ASH1L: variants seen among roughly 807,000 people sequenced by gnomAD.
The protein encoded by ASH1L is ASH1 like histone lysine methyltransferase, also known as histone-lysine N-methyltransferase ASH1L.
A neutral mutation model predicts 269.0 loss-of-function variants in ASH1L; 23 were observed. That is an observed-to-expected ratio of 0.09 (90% CI 0.06 to 0.12). The LOEUF is 0.12. Ranked by LOEUF, ASH1L falls within the 10% of genes least tolerant of loss-of-function variation. The pLI is 1.00. For synonymous variants in ASH1L, 1,187 were observed against 1,253.5 expected (o/e 0.95, Z 1.12); for missense variants, 2,912 against 3,567.8 (o/e 0.82, Z 4.68).
chr1:155,490,614 T>TCACACACACACACACA lies in ASH1L; in HGVS notation c.421-8181_421-8166dup, dbSNP rs144278501. Among the ~76,000 whole-genome samples the TCACACACACACACACA allele has an allele frequency of 6.8e-4, 97 of 142,398 alleles. 1 individual carries two copies. Among genetic ancestry groups the TCACACACACACACACA allele is most frequent in the African/African-American group, 2.0e-3 (74 of 37,402 alleles). The allele number at this position is 142,398 out of a possible 152,430, so 93.4% of individuals were successfully genotyped here. A position where few individuals can be genotyped will look rare whatever the true frequency, so the allele number is the denominator to read the frequency against. On this transcript the variant is annotated intron_variant, in intron 2 of 27. Transcript: ENST00000392403. ...GTATGGGCTACACAGCCAGACTACG[T>TCACACACACACACACA]CACACACACACACACACACACACAC... is the stretch of plus-strand genomic sequence containing the variant.
At chr1:155,510,754 C>T (rs1253645036) in intron 2 of ASH1L, among the ~76,000 whole-genome samples, 5 of 151,828 alleles carry the variant, frequency 3.3e-5, no homozygotes, top group Admixed American at 2.6e-4. Context: ...CCTGAAAACA[C>T]ATTTTTTTTT....
At chr1:155,353,626 T>C (rs1436698459) in intron 16 of ASH1L, among the ~76,000 whole-genome samples, 1 of 152,182 alleles carries the variant, frequency 6.6e-6, no homozygotes, top group Admixed American at 6.6e-5. Context: ...AGTGCTGTTA[T>C]TGAAGGTTAC....
At chr1:155,351,977 T>C (rs1195439796) in intron 17 of ASH1L, among the ~76,000 whole-genome samples, 1 of 152,170 alleles carries the variant, frequency 6.6e-6, no homozygotes, top group Non-Finnish European at 1.5e-5. Flanking sequence ...TTTTCTGTAA[T>C]TGATTTTTCC....
intron 5 of ASH1L, among the ~76,000 whole-genome samples, chr1:155,427,595 C>T (rs193105427): frequency 6.6e-6 from 1 of 152,166 alleles, no homozygotes; most frequent in Non-Finnish European, 1.5e-5. Flanking sequence ...AGAGCGACTG[C>T]GCCCGGCTAA....
intron 7 of ASH1L, among the ~76,000 whole-genome samples, chr1:155,388,127 C>T (rs957277399): frequency 2.6e-5 from 4 of 152,066 alleles, no homozygotes; most frequent in African/African-American, 9.7e-5. Context: ...ATACCATATC[C>T]AACTAAAATG....
chr1:155,545,628 A>G (rs1444900159), intron 1 of ASH1L, among the ~76,000 whole-genome samples: 1 of 151,728 alleles, frequency 6.6e-6, no homozygotes, highest in East Asian at 1.9e-4. Context: ...TTGGAAGGAA[A>G]AAAAAAAAGG....
chr1:155,392,522 TCTGTTG>T (rs1658015270), intron 7 of ASH1L, among the ~76,000 whole-genome samples: 1 of 152,200 alleles, frequency 6.6e-6, no homozygotes, highest in Non-Finnish European at 1.5e-5. Context: ...AGAGTCTTGC[TCTGTTG>T]CCCAGGCTGG....
intron 1 of ASH1L, among the ~76,000 whole-genome samples, chr1:155,533,393 T>G (rs953701900): frequency 6.6e-6 from 1 of 152,056 alleles, no homozygotes; most frequent in Non-Finnish European, 1.5e-5. Context: ...TCGCTCCTCT[T>G]AACCACTATG....
chr1:155,423,437 G>C (rs1362721617), intron 5 of ASH1L, among the ~76,000 whole-genome samples: 1 of 151,740 alleles, frequency 6.6e-6, no homozygotes, highest in Non-Finnish European at 1.5e-5. Context: ...AAATTAGCCG[G>C]GTGCGGTGGT....
At chr1:155,540,047 G>A (rs769258342) in intron 1 of ASH1L, among the ~76,000 whole-genome samples, 3 of 151,506 alleles carry the variant, frequency 2.0e-5, no homozygotes, top group Non-Finnish European at 4.4e-5. Context: ...CAGCCTGGGT[G>A]ACAGAGCAAG....
chr1:155,539,748 T>C (rs560764103), intron 1 of ASH1L, among the ~76,000 whole-genome samples: 12 of 152,006 alleles, frequency 7.9e-5, no homozygotes, highest in South Asian at 2.1e-4. Context: ...AGAGATTGTT[T>C]TTCTCAAAGG....
At chr1:155,421,451 T>C (rs1660675336) in intron 5 of ASH1L, among the ~76,000 whole-genome samples, 2 of 149,826 alleles carry the variant, frequency 1.3e-5, no homozygotes, top group South Asian at 4.2e-4. Context: ...GGCAGGTGGA[T>C]CACGAGATCA....
intron 5 of ASH1L, chr1:155,434,009 T>C (rs1403679930): frequency 3.6e-5 from 57 of 1,589,526 alleles, no homozygotes; most frequent in Non-Finnish European, 4.5e-5. Context: ...GGTCCGAGTG[T>C]GGTTCTGTAA....
intron 10 of ASH1L, among the ~76,000 whole-genome samples, chr1:155,373,725 T>C (rs1218804959): frequency 6.6e-6 from 1 of 152,190 alleles, no homozygotes; most frequent in East Asian, 1.9e-4. Flanking sequence ...TGGAGTGCAG[T>C]GGCATGATCT....
At chr1:155,409,586 C>A (rs953287000) in intron 6 of ASH1L, among the ~76,000 whole-genome samples, 1 of 152,152 alleles carries the variant, frequency 6.6e-6, no homozygotes, top group Non-Finnish European at 1.5e-5. Flanking sequence ...TAAAGTATCA[C>A]ATATGCAATA....
chr1:155,538,024 T>C (rs1670171494), intron 1 of ASH1L, among the ~76,000 whole-genome samples: 1 of 152,030 alleles, frequency 6.6e-6, no homozygotes, highest in South Asian at 2.1e-4. Context: ...TTTTTATTTA[T>C]TTTTTATTTT....
rs1384675040 is a variant in ASH1L, at chr1:155,343,713, G to A, written c.8011C>T (p.Arg2671Trp). The A allele has an allele frequency of 2.5e-6, 4 of 1,614,096 alleles. No individual in the cohort carries two copies. Among genetic ancestry groups the A allele is most frequent in the Non-Finnish European group, 3.4e-6 (4 of 1,180,016 alleles). ...ACCGGGTGGCCATCAGGGGTGCGCC[G>A]ACTATCCCTCATCAGATACACACAG... ...GDCVYLMRDS[R>W]RTPDGHPVRQ... The change falls in exon 23 of 28, where the codon CGG becomes TGG. Residue 2671 changes from arginine to tryptophan, a missense_variant. Physicochemically the swap from Arg to Trp is moderately radical, Grantham distance 101. This residue lies in a region of ASH1L where 179 missense variants were observed against 293.8 expected (regional missense o/e 0.61). Transcript: ENST00000392403. The surrounding 1 kb of genome is among the most constrained non-coding windows in gnomAD (Gnocchi z 6.1).
chr1:155,357,669 G>C lies in ASH1L; in HGVS notation c.6876C>G (p.Ser2292Arg), dbSNP rs78663502. Reference sequence around the variant, plus strand: ...GTGTGGCCATGGGCTGGCTGTTTTTGCTGCTGGTGAGTCCATTCACACGCT... The same window carrying C: ...GTGTGGCCATGGGCTGGCTGTTTTTCCTGCTGGTGAGTCCATTCACACGCT... The part of the protein sequence containing the change: ...KSQRVNGLTS[S>R]KNSQPMATHK... Residue 2292 changes from serine to arginine, a missense_variant, in exon 14 of 28, where the codon AGC (serine) becomes AGG (arginine). Physicochemically the swap from Ser to Arg is moderately radical, Grantham distance 110. Around this residue, in one of 13 missense-constraint regions of ASH1L, gnomAD observed 309 missense variants for 435.1 expected, o/e 0.71. Transcript: ENST00000392403. The C allele has an allele frequency of 6.2e-7, 1 of 1,614,098 alleles. No homozygotes were observed. Among genetic ancestry groups the C allele is most frequent in the East Asian group, 2.2e-5 (1 of 44,888 alleles).
At chr1:155,476,676 C>T (rs1448141126) in intron 3 of ASH1L, among the ~76,000 whole-genome samples, 8 of 151,548 alleles carry the variant, frequency 5.3e-5, no homozygotes, top group East Asian at 2.0e-4. Context: ...CTCAGCCTCC[C>T]GAGTAGCTGG....
Sources: gnomAD v4.1 joint callset for allele counts (sites outside exome capture counted in the v4.1 genomes callset) on GRCh38, gnomAD v4.1.1 for gene constraint, gnomAD v4.1.1 regional missense constraint, Gnocchi (gnomAD v3.1) non-coding constraint, MANE v1.5 for transcripts, NCBI Gene and HGNC (gene_info 2026-07-23, HGNC 2026-07-21) for gene names.